The following ERBB4 variants were observed in gnomAD, a reference collection of about 807,000 sequenced individuals.
ERBB4 encodes erb-b2 receptor tyrosine kinase 4.
A neutral mutation model predicts 158.0 loss-of-function variants in ERBB4; 42 were observed. That is an observed-to-expected ratio of 0.27 (90% CI 0.21 to 0.34). ERBB4 has a LOEUF of 0.34. Ranked by LOEUF, ERBB4 falls within the 10% of genes least tolerant of loss-of-function variation. ERBB4 has a pLI of 1.00. For missense variants in ERBB4, 1,333 were observed against 1,624.1 expected, an observed-to-expected ratio of 0.82 and a Z score of 3.08; for synonymous variants, 583 against 558.7, an observed-to-expected ratio of 1.04 and a Z score of -0.61.
chr2:211,905,898 C>A (rs1467669293), intron 3 of ERBB4, among the ~76,000 whole-genome samples: 1 of 150,992 alleles, frequency 6.6e-6, no homozygotes, highest in East Asian at 2.0e-4. Flanking sequence ...GCAAAAAGTT[C>A]AAAGGCACCA....
At chr2:212,457,993 T>C (rs532197473) in intron 1 of ERBB4, among the ~76,000 whole-genome samples, 1 of 152,188 alleles carries the variant, frequency 6.6e-6, no homozygotes, top group African/African-American at 2.4e-5. Flanking sequence ...CACAAAGTAT[T>C]CACCAAATAA....
At chr2:211,933,503 G>A (rs929062870) in intron 3 of ERBB4, among the ~76,000 whole-genome samples, 10 of 151,830 alleles carry the variant, frequency 6.6e-5, no homozygotes, top group Admixed American at 5.3e-4. Flanking sequence ...ATTACAATTC[G>A]GTTACACATG....
At chr2:212,482,330 C>A (rs1032017956) in intron 1 of ERBB4, among the ~76,000 whole-genome samples, 5 of 152,152 alleles carry the variant, frequency 3.3e-5, no homozygotes, top group Admixed American at 3.3e-4. Context: ...ACTTCTTCAG[C>A]TACTGAGAGA....
intron 20 of ERBB4, among the ~76,000 whole-genome samples, chr2:211,533,962 T>C (rs2066574710): frequency 6.6e-6 from 1 of 152,094 alleles, no homozygotes; most frequent in African/African-American, 2.4e-5. Flanking sequence ...CTATGATTTC[T>C]TATAAACCAG....
intron 1 of ERBB4, among the ~76,000 whole-genome samples, chr2:212,149,298 C>G (rs2080790025): frequency 1.3e-5 from 2 of 152,072 alleles, no homozygotes; most frequent in African/African-American, 4.8e-5. Flanking sequence ...GGAGTATCAC[C>G]TTTAAAAGTT....
At chr2:212,498,693 A>C (rs1690716826) in intron 1 of ERBB4, among the ~76,000 whole-genome samples, 1 of 152,074 alleles carries the variant, frequency 6.6e-6, no homozygotes, top group South Asian at 2.1e-4. Context: ...ATTTTGGGAA[A>C]TACATCAGGA....
intron 3 of ERBB4, among the ~76,000 whole-genome samples, chr2:211,852,813 C>A (rs904225006): frequency 2.0e-5 from 3 of 151,826 alleles, no homozygotes; most frequent in Non-Finnish European, 4.4e-5. Context: ...AAAGATTCAG[C>A]TTTTCTCAGC....
chr2:212,514,581 C>T (rs1373945486), intron 1 of ERBB4, among the ~76,000 whole-genome samples: 4 of 151,966 alleles, frequency 2.6e-5, no homozygotes, highest in African/African-American at 7.2e-5. Flanking sequence ...CTGAGGCGGG[C>T]GGATCACGAG....
rs376218681 is a variant in ERBB4 at position 211,408,014 on chromosome 2, C to G, written c.3135+12427G>C. On this transcript the variant is annotated intron_variant, in intron 25 of 27. Transcript: ENST00000342788. ...AATAAAATAGAGCATCTCTCTCTCT[C>G]AAGCCTTTGCAGAAGCAATCATCAT... Among the ~76,000 whole-genome samples, 8 of 152,358 alleles carry G rather than the reference C, an allele frequency of 5.3e-5. No individual in the cohort carries two copies. In the East Asian group the frequency reaches 1.3e-3, roughly 26 times the overall value.
In ERBB4 at chr2:211,716,100, C is replaced by T. The variant is rs1039291274; in HGVS notation, c.884-2452G>A. On this transcript the variant is annotated intron_variant, in intron 7 of 27. Transcript: ENST00000342788. ...ATGTCCGACCGGGCACAGTGGCTCA[C>T]GCCTGTAATCCCAGCACTTTGGGAG... 3.3e-5 allele frequency among the ~76,000 whole-genome samples: 5 copies of T among 152,276 alleles called. No homozygotes were observed. In the East Asian group the frequency reaches 7.7e-4, roughly 24 times the overall value.
intron 4 of ERBB4, among the ~76,000 whole-genome samples, chr2:211,774,231 C>T (rs546871976): frequency 6.6e-6 from 1 of 151,966 alleles, no homozygotes; most frequent in African/African-American, 2.4e-5. Context: ...TGCCATCATG[C>T]CCGACTAATT....
At chr2:212,205,168 T>A (rs560777572) in intron 1 of ERBB4, among the ~76,000 whole-genome samples, 1 of 151,998 alleles carries the variant, frequency 6.6e-6, no homozygotes, top group South Asian at 2.1e-4. Flanking sequence ...TAGACAGATT[T>A]TGTTTGTTTT....
intron 1 of ERBB4, among the ~76,000 whole-genome samples, chr2:212,237,628 C>G (rs1005304712): frequency 6.6e-6 from 1 of 152,192 alleles, no homozygotes; most frequent in African/African-American, 2.4e-5. Flanking sequence ...CTGCTGCTCT[C>G]TTCAGAGCCA....
intron 3 of ERBB4, among the ~76,000 whole-genome samples, chr2:211,946,512 G>A (rs1377316377): frequency 1.5e-5 from 2 of 137,724 alleles, no homozygotes; most frequent in East Asian, 5.0e-4. Context: ...TTAATTTATA[G>A]TAAATTAAAA....
At chr2:212,068,895 A>AT (rs2078024423) in intron 2 of ERBB4, among the ~76,000 whole-genome samples, 1 of 152,014 alleles carries the variant, frequency 6.6e-6, no homozygotes, top group Non-Finnish European at 1.5e-5. Flanking sequence ...GTATCTATAC[A>AT]CTTTTTATCT....
rs1157172527 is a variant in ERBB4 at position 211,380,682 on chromosome 2, T to C, written c.*2933A>G. The C allele has an allele frequency of 2.6e-5, 6 of 231,918 alleles. No homozygotes were observed. Among genetic ancestry groups the C allele is most frequent in the East Asian group, 1.8e-4 (3 of 16,386 alleles). 14.4% of individuals were successfully genotyped at this position (231,918 alleles called of 1,614,324 possible). On this transcript the variant is annotated 3_prime_UTR_variant, in exon 28 of 28. Transcript: ENST00000342788. The stretch of plus-strand genomic sequence containing the variant: ...ACACTCAAACAACTGAAGTCAATTA[T>C]ATACTACAGAAATCATTCAAAAGAA...
chr2:211,651,555 A>G (rs372384585), intron 16 of ERBB4, among the ~76,000 whole-genome samples: 3 of 152,268 alleles, frequency 2.0e-5, no homozygotes, highest in African/African-American at 7.2e-5. Flanking sequence ...CTTGACCTGA[A>G]GATAGAAAGA....
At chr2:212,187,567 A>T (rs1039090172) in intron 1 of ERBB4, among the ~76,000 whole-genome samples, 1 of 152,122 alleles carries the variant, frequency 6.6e-6, no homozygotes, top group Non-Finnish European at 1.5e-5. Flanking sequence ...AAAATACAAA[A>T]GTAAATTTGA....
intron 3 of ERBB4, among the ~76,000 whole-genome samples, chr2:211,928,866 G>C (rs2080091352): frequency 6.6e-6 from 1 of 152,094 alleles, no homozygotes; most frequent in African/African-American, 2.4e-5. Context: ...CTAATCTAAA[G>C]CTCCAAAAAC....
Sources: allele counts gnomAD v4.1 joint callset (sites outside exome capture counted in the v4.1 genomes callset), GRCh38; gene constraint gnomAD v4.1.1; transcripts MANE v1.5; gene names NCBI Gene and HGNC (gene_info 2026-07-23, HGNC 2026-07-21).